The following RNF38 variants were observed in gnomAD, a reference collection of about 807,000 sequenced individuals.
RNF38 encodes ring finger protein 38, also known as E3 ubiquitin-protein ligase RNF38.
Under a neutral mutation model 67.2 loss-of-function variants are expected in RNF38, and 15 were observed. The ratio of observed to expected loss-of-function variants is 0.22; its 90% confidence interval spans 0.15 to 0.34. RNF38 has a LOEUF of 0.34. Ranked by LOEUF, RNF38 falls within the 10% of genes least tolerant of loss-of-function variation. RNF38 has a pLI of 1.00. For synonymous variants in RNF38, 220 were observed against 218.8 expected (o/e 1.01, Z -0.05); for missense variants, 524 against 639.9 (o/e 0.82, Z 1.95).
intron 7 of RNF38, 123 bp from the exon 8 acceptor site, chr9:36,352,971 T>C: frequency 1.2e-6 from 1 of 822,902 alleles, no homozygotes; most frequent in Non-Finnish European, 1.9e-6. Flanking sequence ...AGTTTTAATA[T>C]TCCTTAAATA....
rs749811942 is a variant in RNF38, at chr9:36,339,737, T to G, written c.*15A>C. The stretch of plus-strand genomic sequence containing the variant: ...ATGAGGAACACCCAAACTAAATTTG[T>G]GCTTCTTAGGTTGGTCATTCTGAAT... On this transcript the variant is annotated 3_prime_UTR_variant, in exon 12 of 12. Coordinates refer to ENST00000259605, the MANE Select transcript of RNF38 (RefSeq NM_022781.5). 14 of 1,607,298 alleles carry G rather than the reference T, an allele frequency of 8.7e-6. No homozygotes were observed. The Admixed American group carries it at 1.0e-4, about 11-fold the overall frequency.
chr9:36,409,859 A>G (rs1289638951), intron 2 of RNF38, among the ~76,000 whole-genome samples: 2 of 152,234 alleles, frequency 1.3e-5, no homozygotes, highest in African/African-American at 4.8e-5. Context: ...TCTAATTTGT[A>G]CTACAAAACA....
chr9:36,360,338 C>A (rs958272743), intron 4 of RNF38, among the ~76,000 whole-genome samples: 1 of 152,076 alleles, frequency 6.6e-6, no homozygotes, highest in African/African-American at 2.4e-5. Context: ...AATATATCAA[C>A]CTTACCAACT....
chr9:36,357,796 A>G lies in RNF38; in HGVS notation c.717T>C (p.Pro239=), dbSNP rs900124464. Residue 239 remains proline (P), a synonymous_variant, in exon 5 of 12, where the codon CCT becomes CCC. Coordinates refer to ENST00000259605, the MANE Select transcript of RNF38 (RefSeq NM_022781.5). The part of the protein sequence containing the change: ...CSVVFSGQHL[P]VCSVPPPMLQ... ...TTACTGGAGGAGGCACACTACAGAC[A>G]GGGAGGTGCTGTCCACTGAAAACCA... 6.2e-7 allele frequency: 1 copy of G among 1,613,636 alleles called. No homozygotes were observed. Among genetic ancestry groups the G allele is most frequent in the African/African-American group, 1.3e-5 (1 of 74,930 alleles).
intron 1 of RNF38, among the ~76,000 whole-genome samples, chr9:36,444,116 T>C (rs1222204376): frequency 6.6e-6 from 1 of 152,190 alleles, no homozygotes; most frequent in Non-Finnish European, 1.5e-5. Context: ...CAAAACACTC[T>C]GAGGGCCAAT....
At chr9:36,410,246 A>C (rs1263459925) in intron 2 of RNF38, among the ~76,000 whole-genome samples, 1 of 152,246 alleles carries the variant, frequency 6.6e-6, no homozygotes, top group Non-Finnish European at 1.5e-5. Flanking sequence ...TAAATATCTG[A>C]ATGGAGACAG....
At chr9:36,369,645 A>G (rs1226519227) in intron 4 of RNF38, 74 bp downstream of exon 4, 1 of 1,235,166 alleles carries the variant, frequency 8.1e-7, no homozygotes, top group Non-Finnish European at 1.1e-6. Flanking sequence ...TTGCAACAAA[A>G]AGCCAAAAAA....
intron 2 of RNF38, among the ~76,000 whole-genome samples, chr9:36,383,703 A>G (rs574973639): frequency 1.1e-3 from 161 of 152,274 alleles, no homozygotes; most frequent in African/African-American, 3.8e-3. Flanking sequence ...ACTTGCAGAT[A>G]TAGAAGAGGC....
At chr9:36,444,419 T>C (rs1839257489) in intron 1 of RNF38, among the ~76,000 whole-genome samples, 1 of 152,196 alleles carries the variant, frequency 6.6e-6, no homozygotes, top group African/African-American at 2.4e-5. Flanking sequence ...CGTTTACCTA[T>C]GTAACAAACC....
At chr9:36,340,467 T>C (rs1272902126) in intron 11 of RNF38, among the ~76,000 whole-genome samples, 3 of 152,156 alleles carry the variant, frequency 2.0e-5, no homozygotes, top group Non-Finnish European at 4.4e-5. Flanking sequence ...CACTACAGAC[T>C]TGAACTCCTG....
chr9:36,388,834 A>G (rs1836844667), intron 2 of RNF38, among the ~76,000 whole-genome samples: 1 of 152,234 alleles, frequency 6.6e-6, no homozygotes, highest in Non-Finnish European at 1.5e-5. Context: ...GAAAGCCAAT[A>G]AGAAAGCATA....
intron 3 of RNF38, 135 bp downstream of exon 3, chr9:36,375,799 T>G (rs1271283685): frequency 4.0e-5 from 30 of 745,948 alleles, no homozygotes. Flanking sequence ...AACTTTCTTT[T>G]TCGTGAGTGA....
rs1280378239 is a variant in RNF38, at chr9:36,361,642, T to C, written c.571-3700A>G. Among the ~76,000 whole-genome samples, 6 of 152,358 alleles carry C rather than the reference T, an allele frequency of 3.9e-5. No homozygotes were observed. In the South Asian group the frequency reaches 8.3e-4, roughly 21 times the overall value. On this transcript the variant is annotated intron_variant, in intron 4 of 11. Coordinates refer to ENST00000259605, the MANE Select transcript of RNF38 (RefSeq NM_022781.5). ...ATAAAGTAGTTAGTTCTGATAGTTCTTCACTTTCAGAGTCTGACTCTGGTG... is the reference window on the plus strand; with the variant it reads ...ATAAAGTAGTTAGTTCTGATAGTTCCTCACTTTCAGAGTCTGACTCTGGTG...
chr9:36,347,393 T>G (rs538631023), intron 9 of RNF38, among the ~76,000 whole-genome samples: 2 of 152,262 alleles, frequency 1.3e-5, no homozygotes, highest in Admixed American at 1.3e-4. Context: ...TGAAGGTGTG[T>G]GGCCACCCCA....
intron 1 of RNF38, among the ~76,000 whole-genome samples, chr9:36,469,573 A>G (rs1164055331): frequency 1.3e-5 from 2 of 152,062 alleles, no homozygotes; most frequent in Non-Finnish European, 2.9e-5. Flanking sequence ...AGGCAGGAGA[A>G]TTGCTTGAAC....
intron 9 of RNF38, among the ~76,000 whole-genome samples, chr9:36,347,288 T>C (rs907530979): frequency 3.9e-5 from 6 of 152,154 alleles, no homozygotes; most frequent in Non-Finnish European, 8.8e-5. Flanking sequence ...GTTAAGTTCT[T>C]ACAGTATAAA....
chr9:36,451,569 C>T (rs13293205), intron 1 of RNF38, among the ~76,000 whole-genome samples: 1 of 122,224 alleles, frequency 8.2e-6, no homozygotes, highest in Non-Finnish European at 1.6e-5. Flanking sequence ...GGTGCAATCT[C>T]GGTTCACAGC....
intron 2 of RNF38, among the ~76,000 whole-genome samples, chr9:36,410,330 T>C (rs763415856): frequency 2.6e-5 from 4 of 152,190 alleles, no homozygotes; most frequent in Non-Finnish European, 4.4e-5. Context: ...AAATTATTTA[T>C]TTATTTTTAT....
intron 1 of RNF38, among the ~76,000 whole-genome samples, chr9:36,485,236 C>T (rs887217623): frequency 6.6e-6 from 1 of 151,784 alleles, no homozygotes; most frequent in African/African-American, 2.4e-5. Flanking sequence ...GACATTTAAG[C>T]TGGAATGAGC....
Sources: allele counts gnomAD v4.1 joint callset (sites outside exome capture counted in the v4.1 genomes callset), GRCh38; gene constraint gnomAD v4.1.1; transcripts MANE v1.5; gene names NCBI Gene and HGNC (gene_info 2026-07-23, HGNC 2026-07-21).